Variants in CSMD2 observed in about 807,000 individuals in gnomAD.
CSMD2 encodes CUB and sushi domain-containing protein 2.
In CSMD2, 130 loss-of-function variants were observed where a neutral mutation model predicts 398.5. That is an observed-to-expected ratio of 0.33 (90% confidence interval 0.28 to 0.38). The LOEUF (loss-of-function observed/expected upper bound fraction) is 0.38. CSMD2 is among the 10% of genes least tolerant of loss of function. CSMD2 has a pLI of 1.00. For synonymous variants in CSMD2, 1,828 were observed against 1,908.5 expected, an observed-to-expected ratio of 0.96 and a Z score of 1.10; for missense variants, 3,829 against 4,764.9, an observed-to-expected ratio of 0.80 and a Z score of 5.78.
intron 4 of CSMD2, among the ~76,000 whole-genome samples, chr1:33,925,390 G>C (rs1644092258): frequency 6.6e-6 from 1 of 151,964 alleles, no homozygotes; most frequent in African/African-American, 2.4e-5. Flanking sequence ...TCTCTATTCT[G>C]TTTCATTGGT....
intron 16 of CSMD2, 62 bp downstream of exon 16, chr1:33,726,485 C>A: frequency 6.5e-7 from 1 of 1,540,498 alleles, no homozygotes; most frequent in Middle Eastern, 1.9e-4. Context: ...TGCATTCCCT[C>A]CCACGTGGCT....
intron 3 of CSMD2, among the ~76,000 whole-genome samples, chr1:34,021,353 G>C (rs1401593165): frequency 2.6e-5 from 4 of 152,216 alleles, no homozygotes; most frequent in Non-Finnish European, 4.4e-5. Flanking sequence ...GCACAGGAAG[G>C]AGACAGATAT....
At chr1:33,768,807 T>C (rs137984712) in intron 13 of CSMD2, among the ~76,000 whole-genome samples, 48 of 152,266 alleles carry the variant, frequency 3.2e-4, no homozygotes, top group Non-Finnish European at 3.4e-4. Context: ...CTCTCAAGAT[T>C]AGATTGCTGA....
intron 1 of CSMD2, among the ~76,000 whole-genome samples, chr1:34,114,934 G>C (rs548836523): frequency 1.7e-4 from 26 of 152,222 alleles, no homozygotes; most frequent in Middle Eastern, 3.4e-3. Flanking sequence ...AAATTCTAGA[G>C]CTGAAGACTA....
At chr1:33,984,646 G>A (rs1014157292) in intron 3 of CSMD2, among the ~76,000 whole-genome samples, 3 of 152,112 alleles carry the variant, frequency 2.0e-5, no homozygotes, top group Non-Finnish European at 4.4e-5. Context: ...ACCCAGATAC[G>A]GTGGCATGCA....
chr1:33,911,377 T>C lies in CSMD2; in HGVS notation c.920+6717A>G, dbSNP rs114685302. ...TCTAATGGCTCTTAAATGAGATATC[T>C]AGTTAAACGTCACTGAGATCAAATG... is the stretch of plus-strand genomic sequence containing the variant. On this transcript the variant is annotated intron_variant, in intron 5 of 70. Transcript: ENST00000373381. Among the ~76,000 whole-genome samples, 902 of 152,338 alleles carry C rather than the reference T, an allele frequency of 5.9e-3. 14 individuals carry two copies. The highest frequency in any genetic ancestry group is 0.021 in the African/African-American group (863 of 41,566).
chr1:34,118,901 C>A (rs1661875182), intron 1 of CSMD2, among the ~76,000 whole-genome samples: 1 of 152,172 alleles, frequency 6.6e-6, no homozygotes, highest in African/African-American at 2.4e-5. Flanking sequence ...ACCCCAATGG[C>A]ACATTTTGCA....
intron 1 of CSMD2, among the ~76,000 whole-genome samples, chr1:34,107,666 A>C (rs532037391): frequency 1.9e-4 from 29 of 152,304 alleles, no homozygotes; most frequent in South Asian, 1.0e-3. Flanking sequence ...TGGCCAATGT[A>C]GTAAGCTAAA....
In CSMD2 at chr1:33,743,241, T is replaced by G. The variant is rs1263888657; in HGVS notation, c.2173+39A>C. On this transcript the variant is annotated intron_variant, in intron 14 of 70. Coordinates refer to ENST00000373381, the MANE Select transcript of CSMD2 (RefSeq NM_001281956.2). ...TTCGATCATCCTCAGAGGCAGACAC[T>G]CAGATGGAGGGCCAGCTGGTGACAG... The G allele has an allele frequency of 2.6e-6, 4 of 1,529,676 alleles. No homozygotes were observed. In the East Asian group the frequency reaches 6.8e-5, roughly 26 times the overall value. The allele number at this position is 1,529,676 out of a possible 1,614,324, so 94.8% of individuals were successfully genotyped here.
chr1:34,091,183 G>C (rs1658513822), intron 1 of CSMD2, among the ~76,000 whole-genome samples: 1 of 152,094 alleles, frequency 6.6e-6, no homozygotes, highest in African/African-American at 2.4e-5. Flanking sequence ...TTCTCACCAG[G>C]CTGAATGCTT....
At chr1:33,946,788 AAC>A (rs1644853644) in intron 3 of CSMD2, among the ~76,000 whole-genome samples, 1 of 115,208 alleles carries the variant, frequency 8.7e-6, no homozygotes, top group African/African-American at 4.0e-5. Context: ...ATGTCCAGCT[AAC>A]TTTTTTTTTT....
chr1:34,047,527 T>C lies in CSMD2; in HGVS notation c.405-14821A>G, dbSNP rs1652669018. ...ATTTGATCACTCCTTATTTATTACG[T>C]CTACCTTTTCCCACCAGTGTGTGAA... On this transcript the variant is annotated intron_variant, in intron 2 of 70. Coordinates refer to ENST00000373381, the MANE Select transcript of CSMD2 (RefSeq NM_001281956.2). Among the ~76,000 whole-genome samples, 3 of 152,336 alleles carry C rather than the reference T, an allele frequency of 2.0e-5. 1 individual carries two copies. The highest frequency in any genetic ancestry group is 7.2e-5 in the African/African-American group (3 of 41,574).
intron 44 of CSMD2, chr1:33,591,772 G>A (rs1039037137): frequency 6.6e-6 from 1 of 152,058 alleles, no homozygotes; most frequent in Admixed American, 6.5e-5. Flanking sequence ...CTACAGGCAT[G>A]CACCACCACA....
chr1:34,139,243 G>T (rs966033784), intron 1 of CSMD2, among the ~76,000 whole-genome samples: 3 of 152,120 alleles, frequency 2.0e-5, no homozygotes, highest in Admixed American at 1.3e-4. Context: ...TGGATTAATG[G>T]GTTATCATGG....
At chr1:33,990,449 A>G (rs1194541044) in intron 3 of CSMD2, among the ~76,000 whole-genome samples, 1 of 152,156 alleles carries the variant, frequency 6.6e-6, no homozygotes, top group Non-Finnish European at 1.5e-5. Flanking sequence ...ACCCCATTTA[A>G]GGTGATGAGA....
intron 11 of CSMD2, among the ~76,000 whole-genome samples, chr1:33,790,162 T>C (rs1277088524): frequency 6.6e-6 from 1 of 152,110 alleles, no homozygotes; most frequent in Non-Finnish European, 1.5e-5. Context: ...AAATGAGTGA[T>C]GGGGATGCAC....
At chr1:34,093,314 A>G (rs1228345711) in intron 1 of CSMD2, among the ~76,000 whole-genome samples, 1 of 152,250 alleles carries the variant, frequency 6.6e-6, no homozygotes, top group Non-Finnish European at 1.5e-5. Context: ...GGGAAAAAAC[A>G]GAACAGAAAA....
At chr1:33,836,903 G>A (rs1660342045) in intron 6 of CSMD2, among the ~76,000 whole-genome samples, 1 of 152,178 alleles carries the variant, frequency 6.6e-6, no homozygotes, top group African/African-American at 2.4e-5. Context: ...CCAGTGAGAT[G>A]CATCCAGTAC....
chr1:33,605,555 G>A, intron 41 of CSMD2, 85 bp from the exon 42 acceptor site: 1 of 1,385,416 alleles, frequency 7.2e-7, no homozygotes, highest in Non-Finnish European at 1.0e-6. Context: ...GAAGCCTCAA[G>A]ATTTGGACTC....
Sources: allele counts gnomAD v4.1 joint callset (sites outside exome capture counted in the v4.1 genomes callset), GRCh38; gene constraint gnomAD v4.1.1; transcripts MANE v1.5; gene names NCBI Gene and HGNC (gene_info 2026-07-23, HGNC 2026-07-21).